Variants in QTMAN observed in about 807,000 individuals in gnomAD.
QTMAN encodes queuosine-tRNA mannosyltransferase, also known as tRNA-queuosine alpha-mannosyltransferase.
At chr2:143,962,617 C>A in the QTMAN span, among the ~76,000 whole-genome samples, 1 of 151,986 alleles carries the variant, frequency 6.6e-6, no homozygotes, top group African/African-American at 2.4e-5. Context: ...TAATCTGAAG[C>A]CTTTGTAGGA....
the QTMAN span, among the ~76,000 whole-genome samples, chr2:144,181,426 A>G: frequency 6.6e-6 from 1 of 152,316 alleles, no homozygotes; most frequent in African/African-American, 2.4e-5. Flanking sequence ...AGTTGGTACA[A>G]TATTATTCAT....
chr2:144,052,662 T>A, the QTMAN span, among the ~76,000 whole-genome samples: 2 of 151,660 alleles, frequency 1.3e-5, no homozygotes, highest in Admixed American at 6.5e-5. Flanking sequence ...TTATTTTTTA[T>A]TTTTTTGAGA....
the QTMAN span, among the ~76,000 whole-genome samples, chr2:144,207,660 AC>A: frequency 1.3e-5 from 2 of 152,166 alleles, no homozygotes; most frequent in Non-Finnish European, 2.9e-5. Flanking sequence ...AGCTATGTTA[AC>A]CACCATAGGA....
the QTMAN span, among the ~76,000 whole-genome samples, chr2:144,152,080 C>T: frequency 6.6e-6 from 1 of 152,164 alleles, no homozygotes; most frequent in Non-Finnish European, 1.5e-5. Context: ...TAGCCAGTTT[C>T]CCAAAAGCTG....
At chr2:144,180,391 T>C in the QTMAN span, among the ~76,000 whole-genome samples, 1 of 152,176 alleles carries the variant, frequency 6.6e-6, no homozygotes, top group Non-Finnish European at 1.5e-5. Flanking sequence ...GTCAGCCAAA[T>C]AATCTTCTTG....
At chr2:144,075,520 T>C in the QTMAN span, among the ~76,000 whole-genome samples, 1 of 152,220 alleles carries the variant, frequency 6.6e-6, no homozygotes, top group African/African-American at 2.4e-5. Context: ...TATAGATGTT[T>C]GTGGAAAAGA....
the QTMAN span, among the ~76,000 whole-genome samples, chr2:143,949,136 G>C: frequency 6.7e-4 from 102 of 152,056 alleles, no homozygotes; most frequent in South Asian, 4.8e-3. Flanking sequence ...GTGTGTATAA[G>C]AGAGAAAGAG....
At chr2:144,268,755 A>G in the QTMAN span, among the ~76,000 whole-genome samples, 1 of 152,222 alleles carries the variant, frequency 6.6e-6, no homozygotes, top group Admixed American at 6.5e-5. Flanking sequence ...GCTATGTTAT[A>G]ATTATTAAGT....
chr2:144,130,572 T>C, the QTMAN span, among the ~76,000 whole-genome samples: 5 of 152,100 alleles, frequency 3.3e-5, no homozygotes, highest in African/African-American at 7.2e-5. Context: ...CAATATCATT[T>C]TGTGAACACA....
chr2:144,252,880 T>C, the QTMAN span, among the ~76,000 whole-genome samples: 51 of 152,316 alleles, frequency 3.3e-4, no homozygotes, highest in African/African-American at 9.6e-4. Flanking sequence ...ATAAACAAAC[T>C]GTGGTATATC....
chr2:144,092,799 T>C, the QTMAN span, among the ~76,000 whole-genome samples: 1 of 151,934 alleles, frequency 6.6e-6, no homozygotes, highest in Non-Finnish European at 1.5e-5. Context: ...ATATTATATA[T>C]CATAGGGCTT....
chr2:144,331,929 G>C, the QTMAN span, among the ~76,000 whole-genome samples: 1,175 of 152,312 alleles, frequency 7.7e-3, 5 homozygotes, highest in South Asian at 0.015. Context: ...GGAAGGCCTG[G>C]GGCTCGCACT....
chr2:144,084,700 T>C, the QTMAN span, among the ~76,000 whole-genome samples: 3 of 152,192 alleles, frequency 2.0e-5, no homozygotes, highest in African/African-American at 7.2e-5. Flanking sequence ...CAGTAACATA[T>C]TGTCTTACAA....
chr2:144,268,612 T>C, the QTMAN span, among the ~76,000 whole-genome samples: 1 of 152,186 alleles, frequency 6.6e-6, no homozygotes, highest in Non-Finnish European at 1.5e-5. Context: ...GAAATAAATA[T>C]CTGTTGTTTA....
chr2:143,991,899 G>A, the QTMAN span, among the ~76,000 whole-genome samples: 67 of 148,356 alleles, frequency 4.5e-4, no homozygotes, highest in Non-Finnish European at 8.7e-4. Flanking sequence ...CACCCCGTCC[G>A]GGAGGGAGGT....
chr2:144,041,555 A>C, the QTMAN span, among the ~76,000 whole-genome samples: 5 of 152,228 alleles, frequency 3.3e-5, no homozygotes, highest in African/African-American at 1.2e-4. Flanking sequence ...ATAATATAGG[A>C]CAAATTTAAG....
chr2:144,110,119 T>C, the QTMAN span, among the ~76,000 whole-genome samples: 2 of 152,230 alleles, frequency 1.3e-5, no homozygotes, highest in East Asian at 1.9e-4. Flanking sequence ...CTATTCACAA[T>C]AGCAAAGACT....
At chr2:144,187,310 A>G in the QTMAN span, among the ~76,000 whole-genome samples, 1 of 152,238 alleles carries the variant, frequency 6.6e-6, no homozygotes, top group African/African-American at 2.4e-5. Flanking sequence ...AGAATCAGAC[A>G]CGAGTGAAGA....
At chr2:144,094,901 T>C in the QTMAN span, among the ~76,000 whole-genome samples, 1 of 152,230 alleles carries the variant, frequency 6.6e-6, no homozygotes, top group Admixed American at 6.5e-5. Flanking sequence ...CTCGTTCTCA[T>C]AATATTTTGG....
Sources: gnomAD v4.1 joint callset for allele counts (sites outside exome capture counted in the v4.1 genomes callset) on GRCh38, gnomAD v4.1.1 for gene constraint, MANE v1.5 for transcripts, NCBI Gene and HGNC (gene_info 2026-07-23, HGNC 2026-07-21) for gene names.